NHERF1: variants seen among roughly 807,000 people sequenced by gnomAD.
NHERF1 encodes the protein Na(+)/H(+) exchange regulatory cofactor NHE-RF1.
chr17:74,752,973 C>T, the NHERF1 span, among the ~76,000 whole-genome samples: 6 of 152,332 alleles, frequency 3.9e-5, no homozygotes, highest in African/African-American at 1.4e-4. Context: ...GGACCTTTGT[C>T]CTCATTCAGC....
chr17:74,767,971 A>C, the NHERF1 span: 1 of 713,916 alleles, frequency 1.4e-6, no homozygotes, highest in Admixed American at 2.0e-5. Flanking sequence ...TGATCCCCAA[A>C]GGAATGTAAA....
chr17:74,767,645 G>T, the NHERF1 span, among the ~76,000 whole-genome samples: 1 of 152,162 alleles, frequency 6.6e-6, no homozygotes, highest in Admixed American at 6.5e-5. Flanking sequence ...TTTGGATCTA[G>T]AACTTTCCAT....
At chr17:74,750,561 C>T in the NHERF1 span, among the ~76,000 whole-genome samples, 25 of 152,298 alleles carry the variant, frequency 1.6e-4, no homozygotes, top group South Asian at 4.6e-3. Context: ...CAGGCTCCCA[C>T]TTCCTGCCCC....
chr17:74,768,050 C>G, the NHERF1 span: 1 of 872,640 alleles, frequency 1.1e-6, no homozygotes, highest in Non-Finnish European at 2.0e-6. Flanking sequence ...GCTACCTCTT[C>G]TCAGTCTGAG....
At chr17:74,769,049 C>T in the NHERF1 span, 486 of 222,114 alleles carry the variant, frequency 2.2e-3, no homozygotes, top group Non-Finnish European at 3.4e-3. Context: ...GCAGAACTGC[C>T]GCTCTCAGTG....
the NHERF1 span, chr17:74,768,815 T>G: frequency 1.5e-6 from 1 of 666,146 alleles, no homozygotes; most frequent in Non-Finnish European, 2.5e-6. Flanking sequence ...CTTCCCTGAC[T>G]TTAGGGAAGG....
the NHERF1 span, among the ~76,000 whole-genome samples, chr17:74,752,758 C>G: frequency 1.3e-5 from 2 of 152,210 alleles, no homozygotes; most frequent in African/African-American, 4.8e-5. Flanking sequence ...CCTCCGCCTC[C>G]TCTTTGTCCT....
At chr17:74,759,069 C>A in the NHERF1 span, among the ~76,000 whole-genome samples, 1 of 152,166 alleles carries the variant, frequency 6.6e-6, no homozygotes, top group Admixed American at 6.5e-5. Flanking sequence ...AGAGTGGGAA[C>A]CCCCCTTCCC....
At chr17:74,754,759 A>C in the NHERF1 span, among the ~76,000 whole-genome samples, 1 of 152,308 alleles carries the variant, frequency 6.6e-6, no homozygotes, top group East Asian at 1.9e-4. Context: ...GATTATAGGC[A>C]TGAGCCACCA....
the NHERF1 span, among the ~76,000 whole-genome samples, chr17:74,751,667 C>A: frequency 6.6e-6 from 1 of 152,206 alleles, no homozygotes; most frequent in Non-Finnish European, 1.5e-5. The surrounding 1 kb of genome is among the most constrained non-coding windows in gnomAD (Gnocchi z 4.3). Flanking sequence ...GCCTTCCCCG[C>A]CTGCCCCGTG....
At chr17:74,761,439 G>A in the NHERF1 span, among the ~76,000 whole-genome samples, 4 of 152,194 alleles carry the variant, frequency 2.6e-5, no homozygotes, top group Non-Finnish European at 4.4e-5. The surrounding 1 kb of genome is among the most constrained non-coding windows in gnomAD (Gnocchi z 4.3). Context: ...TGGGCCATTC[G>A]GCTTGGTGGG....
the NHERF1 span, chr17:74,766,958 C>G: frequency 1.2e-6 from 2 of 1,614,084 alleles, no homozygotes; most frequent in Non-Finnish European, 1.7e-6. Flanking sequence ...TGCCCTTCAC[C>G]AATGGGGAGA....
the NHERF1 span, among the ~76,000 whole-genome samples, chr17:74,756,906 G>A: frequency 6.6e-6 from 1 of 152,226 alleles, no homozygotes; most frequent in Non-Finnish European, 1.5e-5. Flanking sequence ...AATTTCACAA[G>A]CTCCTTGAAG....
the NHERF1 span, chr17:74,767,946 A>G: frequency 1.5e-6 from 1 of 685,280 alleles, no homozygotes; most frequent in African/African-American, 1.8e-5. Context: ...TGAGCAGTAG[A>G]ACCAGCCTGC....
the NHERF1 span, among the ~76,000 whole-genome samples, chr17:74,766,474 A>G: frequency 1.3e-5 from 2 of 151,618 alleles, no homozygotes; most frequent in African/African-American, 4.8e-5. Context: ...AAGTGCTGGG[A>G]TTACTGGTGT....
chr17:74,768,174 G>T, the NHERF1 span: 2 of 1,613,014 alleles, frequency 1.2e-6, no homozygotes, highest in African/African-American at 1.3e-5. Flanking sequence ...CCTGGCAGAG[G>T]CAGCCTTGGA....
chr17:74,769,039 G>A, the NHERF1 span: 1 of 234,488 alleles, frequency 4.3e-6, no homozygotes, highest in Non-Finnish European at 8.5e-6. Flanking sequence ...AACTCTGACT[G>A]CAGAACTGCC....
the NHERF1 span, among the ~76,000 whole-genome samples, chr17:74,753,007 G>A: frequency 6.6e-6 from 1 of 152,196 alleles, no homozygotes. Flanking sequence ...CCCAGAGATT[G>A]GAATTCCAGA....
At chr17:74,768,757 C>G in the NHERF1 span, 1 of 954,920 alleles carries the variant, frequency 1.0e-6, no homozygotes, top group African/African-American at 1.6e-5. Context: ...TACAAATCAG[C>G]ACCCACATCC....
Sources: gnomAD v4.1 joint callset for allele counts (sites outside exome capture counted in the v4.1 genomes callset) on GRCh38, gnomAD v4.1.1 for gene constraint, Gnocchi (gnomAD v3.1) non-coding constraint, MANE v1.5 for transcripts, NCBI Gene and HGNC (gene_info 2026-07-23, HGNC 2026-07-21) for gene names.